GHR: variants seen among roughly 807,000 people sequenced by gnomAD.
The protein encoded by GHR is GH receptor.
In GHR, 35 loss-of-function variants were observed where a neutral mutation model predicts 67.1. The ratio of observed to expected loss-of-function variants is 0.52; its 90% confidence interval spans 0.40 to 0.69. GHR has a LOEUF of 0.69. GHR is among the 30% of genes least tolerant of loss of function. GHR has a pLI of 0.00. For missense variants in GHR, 792 were observed against 764.6 expected, an observed-to-expected ratio of 1.04 and a Z score of -0.42; for synonymous variants, 272 against 269.1, an observed-to-expected ratio of 1.01 and a Z score of -0.10.
At chr5:42,622,994 C>T (rs950749464) in intron 2 of GHR, among the ~76,000 whole-genome samples, 6 of 152,084 alleles carry the variant, frequency 3.9e-5, no homozygotes, top group African/African-American at 1.4e-4. Flanking sequence ...CCTAAGTGCA[C>T]AAAGTCTAAT....
chr5:42,525,828 G>A (rs375185393), intron 1 of GHR, among the ~76,000 whole-genome samples: 17 of 152,124 alleles, frequency 1.1e-4, no homozygotes, highest in African/African-American at 2.4e-4. Flanking sequence ...TTCTGCTTTC[G>A]CTTCTTCCTC....
In GHR at chr5:42,688,934, C is replaced by A. The variant is rs121909358; in HGVS notation, c.181C>A (p.Arg61=). The change falls in exon 4 of 10, where the codon CGA becomes AGA. Residue 61 remains arginine, a synonymous_variant. Coordinates refer to ENST00000230882, the MANE Select transcript of GHR (RefSeq NM_000163.5). ...PKFTKCRSPE[R]ETFSCHWTDE... ...ATTCACCAAGTGCCGTTCACCTGAG[C>A]GAGAGACTTTTTCATGCCACTGGAC... 3 of 1,612,998 alleles carry A rather than the reference C, an allele frequency of 1.9e-6. No individual in the cohort carries two copies. The highest frequency in any genetic ancestry group is 2.5e-6 in the Non-Finnish European group (3 of 1,179,122).
intron 2 of GHR, among the ~76,000 whole-genome samples, chr5:42,602,468 C>T (rs746397622): frequency 2.9e-4 from 44 of 152,088 alleles, no homozygotes; most frequent in Non-Finnish European, 5.9e-4. Context: ...ACCCATTCAG[C>T]CATTCTGTAT....
intron 2 of GHR, among the ~76,000 whole-genome samples, chr5:42,624,631 A>T (rs1013339325): frequency 2.1e-5 from 3 of 143,946 alleles, no homozygotes; most frequent in African/African-American, 8.4e-5. Context: ...TATCACCTAC[A>T]AAAATTTCCT....
intron 1 of GHR, among the ~76,000 whole-genome samples, chr5:42,463,639 ATC>A (rs1744582446): frequency 2.0e-5 from 3 of 152,202 alleles, no homozygotes; most frequent in Non-Finnish European, 4.4e-5. Flanking sequence ...AGGCCTTTTA[ATC>A]TTTAGCTGTA....
chr5:42,563,549 C>A (rs866103838), intron 1 of GHR, among the ~76,000 whole-genome samples: 2 of 139,422 alleles, frequency 1.4e-5, no homozygotes, highest in African/African-American at 5.4e-5. Context: ...ACCCGGGAAG[C>A]GGAGCTTGCA....
intron 3 of GHR, among the ~76,000 whole-genome samples, chr5:42,635,109 T>C (rs1450681119): frequency 1.3e-5 from 2 of 152,184 alleles, no homozygotes; most frequent in African/African-American, 4.8e-5. Flanking sequence ...TCTACTTGTT[T>C]ATAAACTATT....
At chr5:42,620,270 TATTA>T (rs1374592488) in intron 2 of GHR, among the ~76,000 whole-genome samples, 1 of 110,656 alleles carries the variant, frequency 9.0e-6, no homozygotes, top group Non-Finnish European at 2.3e-5. Context: ...TTCAAAGTAA[TATTA>T]TAAGTAAAAT....
intron 6 of GHR, among the ~76,000 whole-genome samples, chr5:42,705,391 T>A (rs187833836): frequency 6.6e-6 from 1 of 152,076 alleles, no homozygotes; most frequent in Non-Finnish European, 1.5e-5. Context: ...ATATTTTTGA[T>A]TTTATTTTTT....
intron 1 of GHR, among the ~76,000 whole-genome samples, chr5:42,508,963 T>A (rs1328181184): frequency 6.6e-6 from 1 of 152,242 alleles, no homozygotes; most frequent in Non-Finnish European, 1.5e-5. Context: ...TCACACTATG[T>A]GATGAAATTT....
chr5:42,465,766 A>G, intron 1 of GHR: 1 of 886,642 alleles, frequency 1.1e-6, no homozygotes, highest in East Asian at 2.4e-5. Flanking sequence ...AATCAAATCC[A>G]TCTCCTTGGC....
chr5:42,483,301 C>G (rs1745736433), intron 1 of GHR, among the ~76,000 whole-genome samples: 2 of 152,136 alleles, frequency 1.3e-5, no homozygotes, highest in South Asian at 4.1e-4. Flanking sequence ...GTCTGCCCAC[C>G]TTGGCCTCCC....
At chr5:42,576,144 A>AAAATAAAATAAAAAAAAT (rs926602851) in intron 2 of GHR, among the ~76,000 whole-genome samples, 1 of 88,892 alleles carries the variant, frequency 1.1e-5, no homozygotes, top group African/African-American at 4.8e-5. Flanking sequence ...AAAATAAAAT[A>AAAATAAAATAAAAAAAAT]GTAAAGTAAA....
chr5:42,720,690 G>A lies in GHR; in HGVS notation c.*1266G>A, dbSNP rs1758976470. 6.6e-6 allele frequency: 1 copy of A among 152,082 alleles called. No homozygotes were observed. The highest frequency in any genetic ancestry group is 1.5e-5 in the Non-Finnish European group (1 of 68,010). 9.4% of individuals were successfully genotyped at this position (152,082 alleles called of 1,614,324 possible). On this transcript the variant is annotated 3_prime_UTR_variant, in exon 10 of 10. Transcript: ENST00000230882. ...ACAGAACATAGACAGAAGAAACAAGGTTTTCAGTCCCCACAGATAACTGAA... is the reference window on the plus strand; with the variant it reads ...ACAGAACATAGACAGAAGAAACAAGATTTTCAGTCCCCACAGATAACTGAA...
chr5:42,710,101 C>T (rs1758382743), intron 6 of GHR, among the ~76,000 whole-genome samples: 2 of 151,872 alleles, frequency 1.3e-5, no homozygotes, highest in South Asian at 2.1e-4. Flanking sequence ...CAGTGTCCTG[C>T]CTTAAAGAAA....
chr5:42,688,585 G>C (rs751677670), intron 3 of GHR, among the ~76,000 whole-genome samples: 7 of 152,080 alleles, frequency 4.6e-5, no homozygotes, highest in Non-Finnish European at 1.0e-4. Context: ...TCATCTTCCA[G>C]ATGAACTACC....
chr5:42,437,689 A>C (rs1743389634), intron 1 of GHR, among the ~76,000 whole-genome samples: 1 of 151,866 alleles, frequency 6.6e-6, no homozygotes, highest in South Asian at 2.1e-4. Context: ...GTGGGACTAC[A>C]GGTGCAGGCC....
chr5:42,457,473 G>A (rs1744309642), intron 1 of GHR, among the ~76,000 whole-genome samples: 2 of 152,096 alleles, frequency 1.3e-5, no homozygotes, highest in South Asian at 2.1e-4. Flanking sequence ...TATCAAATTT[G>A]TTCCACACAA....
intron 2 of GHR, among the ~76,000 whole-genome samples, chr5:42,584,790 C>T (rs1487326430): frequency 4.5e-5 from 3 of 66,676 alleles, no homozygotes; most frequent in African/African-American, 3.8e-4. Context: ...AATGTATACA[C>T]ACACACACAC....
Sources: allele counts gnomAD v4.1 joint callset (sites outside exome capture counted in the v4.1 genomes callset), GRCh38; gene constraint gnomAD v4.1.1; transcripts MANE v1.5; gene names NCBI Gene and HGNC (gene_info 2026-07-23, HGNC 2026-07-21).